Variants in CHRNA7 observed in about 807,000 individuals in gnomAD.
CHRNA7 encodes the protein cholinergic receptor nicotinic alpha 7 subunit.
A neutral mutation model predicts 48.0 loss-of-function variants in CHRNA7; 17 were observed. That is an observed-to-expected ratio of 0.35 (90% CI 0.24 to 0.53). CHRNA7 has a LOEUF of 0.53. CHRNA7 is among the 20% of genes least tolerant of loss of function. CHRNA7 has a pLI of 0.92. For synonymous variants in CHRNA7, 75 were observed against 242.3 expected, an observed-to-expected ratio of 0.31 and a Z score of 6.41; for missense variants, 155 against 577.7, an observed-to-expected ratio of 0.27 and a Z score of 7.50.
chr15:32,123,281 G>T (rs540721851), intron 4 of CHRNA7, among the ~76,000 whole-genome samples: 1 of 152,102 alleles, frequency 6.6e-6, no homozygotes, highest in Non-Finnish European at 1.5e-5. Flanking sequence ...GATAAACCTC[G>T]TTAAATGCAC....
intron 9 of CHRNA7, among the ~76,000 whole-genome samples, 169 bp from the exon 10 acceptor site, chr15:32,167,771 C>T (rs2052241748): frequency 1.5e-5 from 1 of 67,644 alleles, no homozygotes; most frequent in African/African-American, 4.4e-5. Flanking sequence ...TTGAACTCGA[C>T]TGCTTGTCAT....
intron 2 of CHRNA7, among the ~76,000 whole-genome samples, chr15:32,055,980 A>G (rs2049781482): frequency 6.6e-6 from 1 of 150,404 alleles, no homozygotes; most frequent in Non-Finnish European, 1.5e-5. Flanking sequence ...CTCTGTATCA[A>G]AAAAAAAAAC....
At chr15:32,101,510 A>G (rs2050572807) in intron 3 of CHRNA7, 163 bp downstream of exon 3, 2 of 696,668 alleles carry the variant, frequency 2.9e-6, no homozygotes, top group East Asian at 2.5e-5. Context: ...ACCTGCCAAC[A>G]ATGAATGCTG....
chr15:32,086,722 G>T (rs369125664), intron 2 of CHRNA7, among the ~76,000 whole-genome samples: 14 of 152,230 alleles, frequency 9.2e-5, no homozygotes, highest in African/African-American at 2.6e-4. Flanking sequence ...TGTTTCTGAT[G>T]ATCTCGACAG....
At chr15:32,091,449 T>C (rs1433510738) in intron 2 of CHRNA7, among the ~76,000 whole-genome samples, 1 of 152,202 alleles carries the variant, frequency 6.6e-6, no homozygotes, top group Non-Finnish European at 1.5e-5. Context: ...TCTAAGCTAA[T>C]GCCATGACTT....
Position 32,134,163 on chromosome 15 carries a change from T to TG in CHRNA7, c.351-19744_351-19743insG, listed in dbSNP as rs200314913. ...GACTACATGTGGGTTTTTTTGTGTG[T>TG]TTTTTTTTTTTCTGAGACTGAGTCT... On this transcript the variant is annotated intron_variant, in intron 4 of 9. Transcript: ENST00000306901. Among the ~76,000 whole-genome samples the TG allele has an allele frequency of 6.4e-3, 924 of 144,488 alleles. 5 individuals carry two copies. The highest frequency in any genetic ancestry group is 8.8e-3 in the East Asian group (44 of 4,988). 94.8% of individuals were successfully genotyped at this position (144,488 alleles called of 152,430 possible).
chr15:32,088,663 A>G (rs1444925190), intron 2 of CHRNA7, among the ~76,000 whole-genome samples: 1 of 152,190 alleles, frequency 6.6e-6, no homozygotes, highest in African/African-American at 2.4e-5. Flanking sequence ...TATAATTTAC[A>G]TGTCCATGAT....
chr15:32,130,913 C>T (rs1274038508), intron 4 of CHRNA7, among the ~76,000 whole-genome samples: 1 of 151,722 alleles, frequency 6.6e-6, no homozygotes, highest in Non-Finnish European at 1.5e-5. Flanking sequence ...TTCATTATTC[C>T]TGAAAGATAT....
At chr15:32,084,335 T>G (rs1323075906) in intron 2 of CHRNA7, among the ~76,000 whole-genome samples, 1 of 152,178 alleles carries the variant, frequency 6.6e-6, no homozygotes, top group African/African-American at 2.4e-5. Flanking sequence ...ACCATAGATT[T>G]AGGGTGACCC....
intron 2 of CHRNA7, among the ~76,000 whole-genome samples, chr15:32,046,130 C>T (rs1048918952): frequency 3.3e-5 from 5 of 152,030 alleles, no homozygotes; most frequent in South Asian, 2.1e-4. Flanking sequence ...AATAAACATA[C>T]GTGTGTGTGT....
At chr15:32,058,572 C>G (rs11637923) in intron 2 of CHRNA7, among the ~76,000 whole-genome samples, 1 of 151,854 alleles carries the variant, frequency 6.6e-6, no homozygotes, top group Admixed American at 6.6e-5. Flanking sequence ...TTAGAGTGCT[C>G]GAAACTTAGT....
At chr15:32,104,819 T>C (rs898514002) in intron 3 of CHRNA7, among the ~76,000 whole-genome samples, 1 of 152,192 alleles carries the variant, frequency 6.6e-6, no homozygotes, top group Non-Finnish European at 1.5e-5. Context: ...TGCTTCCCTT[T>C]TTAATTAAAG....
intron 2 of CHRNA7, among the ~76,000 whole-genome samples, chr15:32,094,827 A>T (rs559858753): frequency 6.6e-6 from 1 of 152,048 alleles, no homozygotes; most frequent in Non-Finnish European, 1.5e-5. Context: ...CGCCTGGCTA[A>T]TTTTTTGTAT....
At chr15:32,097,841 G>A (rs1405983083) in intron 2 of CHRNA7, among the ~76,000 whole-genome samples, 2 of 152,212 alleles carry the variant, frequency 1.3e-5, no homozygotes, top group Non-Finnish European at 2.9e-5. Flanking sequence ...GCTGTAGGCA[G>A]CTCTGCCTGC....
At chr15:32,125,705 G>A (rs561615423) in intron 4 of CHRNA7, among the ~76,000 whole-genome samples, 22 of 152,250 alleles carry the variant, frequency 1.4e-4, no homozygotes, top group African/African-American at 4.3e-4. Flanking sequence ...AGAAGCTGCC[G>A]AGTGATTGTT....
intron 2 of CHRNA7, among the ~76,000 whole-genome samples, chr15:32,064,441 TC>T (rs1391899161): frequency 5.3e-5 from 8 of 151,934 alleles, no homozygotes; most frequent in Non-Finnish European, 1.2e-4. Flanking sequence ...AGAGCCTTTC[TC>T]ATGATGATAG....
At chr15:32,044,662 C>T (rs1016424254) in intron 2 of CHRNA7, among the ~76,000 whole-genome samples, 5 of 152,206 alleles carry the variant, frequency 3.3e-5, no homozygotes, top group Non-Finnish European at 7.3e-5. Context: ...ACAGCTTTCA[C>T]TTTATCTCAG....
intron 2 of CHRNA7, among the ~76,000 whole-genome samples, chr15:32,046,810 G>A (rs1459714495): frequency 9.9e-5 from 15 of 151,792 alleles, no homozygotes; most frequent in South Asian, 6.2e-4. Flanking sequence ...TAGGTCTAAC[G>A]TTTAAGTCTT....
chr15:32,091,430 A>G (rs1181974998), intron 2 of CHRNA7, among the ~76,000 whole-genome samples: 1 of 152,158 alleles, frequency 6.6e-6, no homozygotes, highest in African/African-American at 2.4e-5. Flanking sequence ...TTACTGGTCT[A>G]GAACAACTTC....
Sources: allele counts gnomAD v4.1 joint callset (sites outside exome capture counted in the v4.1 genomes callset), GRCh38; gene constraint gnomAD v4.1.1; transcripts MANE v1.5; gene names NCBI Gene and HGNC (gene_info 2026-07-23, HGNC 2026-07-21).